The following TMC1 variants were observed in gnomAD, a reference collection of about 807,000 sequenced individuals.
TMC1 encodes transmembrane channel-like protein 1.
In TMC1, 84 loss-of-function variants were observed where a neutral mutation model predicts 105.8. The observed-to-expected ratio is 0.79, with a 90% confidence interval of 0.67 to 0.95. The LOEUF (loss-of-function observed/expected upper bound fraction) is 0.95, where lower values mean the gene tolerates loss of function less well. Among genes scored for constraint, TMC1 ranks in the 40% least tolerant of loss-of-function variants. The pLI, the probability that TMC1 is intolerant of heterozygous loss-of-function variation, is 0.00. For missense variants in TMC1, 817 were observed against 914.1 expected (o/e 0.89, Z 1.37); for synonymous variants, 315 against 311.5 (o/e 1.01, Z -0.12).
At chr9:72,741,818 T>C (rs754121873) in intron 9 of TMC1, among the ~76,000 whole-genome samples, 4 of 152,210 alleles carry the variant, frequency 2.6e-5, no homozygotes, top group Non-Finnish European at 5.9e-5. Context: ...TGACCCAACA[T>C]TGGAGTTAAA....
chr9:72,525,359 C>T (rs1044272201), intron 1 of TMC1, among the ~76,000 whole-genome samples: 5 of 152,164 alleles, frequency 3.3e-5, no homozygotes, highest in Admixed American at 1.3e-4. Context: ...CTCCACAGCA[C>T]GCTTCATTGG....
chr9:72,643,130 C>T (rs923868993), intron 4 of TMC1, among the ~76,000 whole-genome samples: 3 of 152,062 alleles, frequency 2.0e-5, no homozygotes, highest in Non-Finnish European at 4.4e-5. Context: ...CTCCTTCCTT[C>T]CTTTCTTTTT....
chr9:72,576,408 TTTCTC>T (rs1314418591), intron 1 of TMC1, among the ~76,000 whole-genome samples: 4 of 151,910 alleles, frequency 2.6e-5, no homozygotes, highest in African/African-American at 4.8e-5. Context: ...CTGACCCTCT[TTTCTC>T]TTCTCTATCT....
chr9:72,805,175 T>A, intron 17 of TMC1: 1 of 423,426 alleles, frequency 2.4e-6, no homozygotes, highest in Non-Finnish European at 4.1e-6. Context: ...ACTTTTGATT[T>A]AGTAAACGGG....
At chr9:72,752,028 T>C in intron 11 of TMC1, 72 bp downstream of exon 11, 6 of 976,092 alleles carry the variant, frequency 6.1e-6, no homozygotes, top group Non-Finnish European at 9.9e-6. Flanking sequence ...ATCTCTTCTT[T>C]AAAGTAGAAT....
chr9:72,646,478 G>A (rs865874735), intron 4 of TMC1, among the ~76,000 whole-genome samples: 10 of 151,964 alleles, frequency 6.6e-5, no homozygotes, highest in Non-Finnish European at 1.2e-4. Flanking sequence ...ATTCATACCC[G>A]TACCTGTAGT....
At chr9:72,543,001 A>G (rs545898888) in intron 1 of TMC1, among the ~76,000 whole-genome samples, 5 of 152,284 alleles carry the variant, frequency 3.3e-5, no homozygotes, top group South Asian at 2.1e-4. Flanking sequence ...TCTAATGTGT[A>G]AAATGAAAAT....
chr9:72,743,368 CAA>C (rs57505302), intron 10 of TMC1, among the ~76,000 whole-genome samples: 1 of 110,180 alleles, frequency 9.1e-6, no homozygotes, highest in Non-Finnish European at 2.1e-5. Flanking sequence ...CTCCGTCTCA[CAA>C]AAAAAAAAAA....
intron 5 of TMC1, among the ~76,000 whole-genome samples, chr9:72,654,349 C>A (rs1564470553): frequency 6.6e-6 from 1 of 152,200 alleles, no homozygotes; most frequent in African/African-American, 2.4e-5. Flanking sequence ...TTAGTTCGCA[C>A]TTCTCTAATG....
intron 1 of TMC1, among the ~76,000 whole-genome samples, chr9:72,554,471 C>T (rs1458164729): frequency 6.6e-6 from 1 of 152,054 alleles, no homozygotes; most frequent in Non-Finnish European, 1.5e-5. Flanking sequence ...CTGGAAATAC[C>T]AGGGCAAAAC....
At chr9:72,704,016 A>G (rs947197293) in intron 8 of TMC1, among the ~76,000 whole-genome samples, 6 of 152,158 alleles carry the variant, frequency 3.9e-5, no homozygotes, top group African/African-American at 1.4e-4. Flanking sequence ...TTCCAACTAC[A>G]TTATTAGAAC....
At chr9:72,763,582 G>A (rs1291224155) in intron 12 of TMC1, among the ~76,000 whole-genome samples, 1 of 152,174 alleles carries the variant, frequency 6.6e-6, no homozygotes, top group East Asian at 1.9e-4. Flanking sequence ...GACAACCTCT[G>A]AATTTGAAAG....
rs543232844 is a variant in TMC1, at chr9:72,545,855, C to T, written c.-428+23942C>T. 2.0e-5 allele frequency among the ~76,000 whole-genome samples: 3 copies of T among 152,022 alleles called. No homozygotes were observed. In the East Asian group the frequency reaches 5.8e-4, roughly 29 times the overall value. On this transcript the variant is annotated intron_variant, in intron 1 of 23. Transcript: ENST00000297784. ...ACAAATCCTATTGCGCAGTAATTTT[C>T]ACAAATTTTAAAATTGACAATACCT...
chr9:72,593,085 T>A (rs1824664164), intron 2 of TMC1, among the ~76,000 whole-genome samples: 1 of 152,230 alleles, frequency 6.6e-6, no homozygotes, highest in African/African-American at 2.4e-5. Context: ...TCTTTTGAAA[T>A]GGTTGGAAAA....
intron 12 of TMC1, among the ~76,000 whole-genome samples, chr9:72,765,348 G>A (rs999463768): frequency 6.6e-6 from 1 of 151,982 alleles, no homozygotes; most frequent in African/African-American, 2.4e-5. Flanking sequence ...TGCCTCTGAA[G>A]GAAATGCTGA....
intron 3 of TMC1, among the ~76,000 whole-genome samples, chr9:72,625,857 T>C (rs984487498): frequency 5.3e-5 from 8 of 152,190 alleles, no homozygotes; most frequent in Admixed American, 3.9e-4. Flanking sequence ...TCATTTTATC[T>C]TGGTCGCAGA....
At chr9:72,707,925 T>C (rs536567703) in intron 8 of TMC1, among the ~76,000 whole-genome samples, 1 of 152,274 alleles carries the variant, frequency 6.6e-6, no homozygotes, top group East Asian at 1.9e-4. Flanking sequence ...CCATTTTGAG[T>C]TGATTTTTGT....
chr9:72,672,704 C>T (rs1487242015), intron 5 of TMC1, among the ~76,000 whole-genome samples: 2 of 151,780 alleles, frequency 1.3e-5, no homozygotes, highest in African/African-American at 4.8e-5. Context: ...AGAAAACCTC[C>T]AAAATATTAT....
At chr9:72,791,795 A>G in intron 15 of TMC1, 91 bp from the exon 16 acceptor site, 1 of 1,046,066 alleles carries the variant, frequency 9.6e-7, no homozygotes, top group South Asian at 1.3e-5. Context: ...AGATCAAAGA[A>G]GCCTAGCTCA....
Sources: allele counts gnomAD v4.1 joint callset (sites outside exome capture counted in the v4.1 genomes callset), GRCh38; gene constraint gnomAD v4.1.1; transcripts MANE v1.5; gene names NCBI Gene and HGNC (gene_info 2026-07-23, HGNC 2026-07-21).